CCDC192: variants seen among roughly 807,000 people sequenced by gnomAD.
The protein encoded by CCDC192 is coiled-coil domain containing 192, also known as coiled-coil domain-containing protein 192.
rs574008691 is a variant in CCDC192 at position 127,738,759 on chromosome 5, C to T, written c.115-15509C>T. ...GCTTCTGCATTCGTCACGTAGTTCT[C>T]GAGCCTTGGTTTTCAGCTCCATCAG... On this transcript the variant is annotated intron_variant, in intron 2 of 6. Transcript: ENST00000514853. Among the ~76,000 whole-genome samples, 9 of 152,260 alleles carry T rather than the reference C, an allele frequency of 5.9e-5. No homozygotes were observed. In the East Asian group the frequency reaches 1.7e-3, roughly 29 times the overall value.
intron 5 of CCDC192, among the ~76,000 whole-genome samples, chr5:127,859,812 G>C (rs1751280033): frequency 6.6e-6 from 1 of 152,000 alleles, no homozygotes; most frequent in Non-Finnish European, 1.5e-5. Context: ...AATTTACTAA[G>C]TCTCTTGTCG....
chr5:127,862,390 GC>G (rs1405468157), intron 5 of CCDC192, among the ~76,000 whole-genome samples: 1 of 152,118 alleles, frequency 6.6e-6, no homozygotes, highest in East Asian at 1.9e-4. Context: ...GCATACACAT[GC>G]CCACAAGGAC....
intron 3 of CCDC192, among the ~76,000 whole-genome samples, chr5:127,783,018 C>T (rs1332794339): frequency 7.6e-5 from 11 of 144,208 alleles, no homozygotes; most frequent in East Asian, 2.0e-4. Flanking sequence ...TTTTTTAAGA[C>T]GGAGTTTCAC....
intron 3 of CCDC192, among the ~76,000 whole-genome samples, chr5:127,775,679 T>C (rs1428728893): frequency 1.3e-5 from 2 of 152,382 alleles, no homozygotes; most frequent in East Asian, 3.9e-4. Flanking sequence ...GGTTTGGCTG[T>C]GTCCCCACCC....
At chr5:127,911,667 TACA>T (rs1753355923) in intron 6 of CCDC192, among the ~76,000 whole-genome samples, 1 of 150,222 alleles carries the variant, frequency 6.7e-6, no homozygotes, top group Non-Finnish European at 1.5e-5. Context: ...TGACAGATAA[TACA>T]ACAATTCTCT....
At chr5:127,904,946 T>C (rs990736274) in intron 6 of CCDC192, among the ~76,000 whole-genome samples, 2 of 152,116 alleles carry the variant, frequency 1.3e-5, no homozygotes, top group Non-Finnish European at 2.9e-5. Context: ...GCTCAGACAA[T>C]GAAAAGCCTC....
intron 2 of CCDC192, among the ~76,000 whole-genome samples, chr5:127,734,811 T>C (rs1295353968): frequency 6.6e-6 from 1 of 151,786 alleles, no homozygotes; most frequent in East Asian, 1.9e-4. Context: ...GAGTTTGTTG[T>C]AGATTCTGGA....
intron 5 of CCDC192, among the ~76,000 whole-genome samples, chr5:127,803,050 C>G (rs905827502): frequency 1.5e-4 from 23 of 152,266 alleles, no homozygotes; most frequent in African/African-American, 5.5e-4. Flanking sequence ...ATTCCTATTT[C>G]ACGTGAAATA....
At chr5:127,710,347 A>T (rs1480359782) in intron 2 of CCDC192, among the ~76,000 whole-genome samples, 1 of 151,970 alleles carries the variant, frequency 6.6e-6, no homozygotes, top group African/African-American at 2.4e-5. Flanking sequence ...GCCTCTTTTA[A>T]ATAATTGCTT....
intron 5 of CCDC192, among the ~76,000 whole-genome samples, chr5:127,840,754 GAGAA>G (rs948997518): frequency 3.9e-5 from 6 of 152,280 alleles, no homozygotes; most frequent in Non-Finnish European, 8.8e-5. Context: ...ACTAGTGAAA[GAGAA>G]AGAGTTACTA....
At chr5:127,758,304 C>T (rs991643956) in intron 3 of CCDC192, among the ~76,000 whole-genome samples, 4 of 152,096 alleles carry the variant, frequency 2.6e-5, no homozygotes, top group Admixed American at 1.3e-4. Context: ...TTAGAAATAG[C>T]CAACAAATAA....
intron 3 of CCDC192, among the ~76,000 whole-genome samples, chr5:127,794,997 C>G (rs1212371197): frequency 1.3e-5 from 2 of 152,088 alleles, no homozygotes; most frequent in African/African-American, 4.8e-5. Context: ...TTTTGTTTTA[C>G]AATTTGATAA....
intron 5 of CCDC192, among the ~76,000 whole-genome samples, chr5:127,819,997 G>C (rs896450409): frequency 6.6e-6 from 1 of 152,024 alleles, no homozygotes; most frequent in South Asian, 2.1e-4. Context: ...TCTCACACAC[G>C]TACATCTCTA....
intron 2 of CCDC192, among the ~76,000 whole-genome samples, chr5:127,729,778 A>G (rs1286408126): frequency 2.0e-5 from 3 of 152,176 alleles, no homozygotes. Context: ...CTCCTGGGTA[A>G]ATAATAAAAT....
intron 6 of CCDC192, among the ~76,000 whole-genome samples, chr5:127,930,139 G>A (rs1753978991): frequency 6.6e-6 from 1 of 152,200 alleles, no homozygotes; most frequent in Non-Finnish European, 1.5e-5. Flanking sequence ...GGAGGCGGAG[G>A]TTACAGTGAG....
chr5:127,839,788 T>A (rs530690473), intron 5 of CCDC192, among the ~76,000 whole-genome samples: 12 of 152,088 alleles, frequency 7.9e-5, no homozygotes, highest in Middle Eastern at 3.4e-3. Context: ...GTCTATGGAT[T>A]GTAAGATATA....
chr5:127,738,806 A>G (rs1172003699), intron 2 of CCDC192, among the ~76,000 whole-genome samples: 1 of 151,944 alleles, frequency 6.6e-6, no homozygotes, highest in Non-Finnish European at 1.5e-5. Flanking sequence ...ACTTCTCTGT[A>G]TTGGTTATTC....
chr5:127,850,795 A>G (rs893477965), intron 5 of CCDC192, among the ~76,000 whole-genome samples: 1 of 152,080 alleles, frequency 6.6e-6, no homozygotes, highest in Non-Finnish European at 1.5e-5. Context: ...GTGAAACCCT[A>G]TATCTACTAA....
chr5:127,790,568 C>T (rs897978303), intron 3 of CCDC192, among the ~76,000 whole-genome samples: 2 of 152,142 alleles, frequency 1.3e-5, no homozygotes, highest in Non-Finnish European at 2.9e-5. Context: ...TCCTATCTAA[C>T]TATTTTTGTA....
Sources: allele counts gnomAD v4.1 joint callset (sites outside exome capture counted in the v4.1 genomes callset), GRCh38; gene constraint gnomAD v4.1.1; transcripts MANE v1.5; gene names NCBI Gene and HGNC (gene_info 2026-07-23, HGNC 2026-07-21).